The following UNC5C variants were observed in gnomAD, a reference collection of about 807,000 sequenced individuals.
The protein encoded by UNC5C is unc-5 netrin receptor C.
A neutral mutation model predicts 99.8 loss-of-function variants in UNC5C; 47 were observed. That is an observed-to-expected ratio of 0.47 (90% CI 0.37 to 0.60). The LOEUF (loss-of-function observed/expected upper bound fraction) is 0.60, where lower values mean the gene tolerates loss of function less well. Ranked by LOEUF, UNC5C falls within the 20% of genes least tolerant of loss-of-function variation. UNC5C has a pLI of 0.00. For missense variants in UNC5C, 1,062 were observed against 1,165.9 expected, an observed-to-expected ratio of 0.91 and a Z score of 1.30; for synonymous variants, 487 against 452.2, an observed-to-expected ratio of 1.08 and a Z score of -0.98.
At chr4:95,465,455 A>G (rs1192197668) in intron 1 of UNC5C, among the ~76,000 whole-genome samples, 2 of 152,166 alleles carry the variant, frequency 1.3e-5, no homozygotes, top group Admixed American at 1.3e-4. Context: ...TATTTGAATC[A>G]TTGTGTTATG....
At chr4:95,202,633 G>T in intron 12 of UNC5C, 98 bp downstream of exon 12, 1 of 1,186,244 alleles carries the variant, frequency 8.4e-7, no homozygotes, top group Non-Finnish European at 1.2e-6. Flanking sequence ...ACACACTTGG[G>T]TGCACACACA....
intron 1 of UNC5C, among the ~76,000 whole-genome samples, chr4:95,346,677 CAT>C (rs1743785136): frequency 6.6e-6 from 1 of 151,800 alleles, no homozygotes; most frequent in Admixed American, 6.6e-5. Context: ...AAATCAACAA[CAT>C]ATGACGATGA....
intron 3 of UNC5C, among the ~76,000 whole-genome samples, chr4:95,298,572 C>T (rs543779069): frequency 2.0e-5 from 3 of 152,240 alleles, no homozygotes; most frequent in South Asian, 2.1e-4. Flanking sequence ...TTCAGGTCTT[C>T]GCAACTGTCA....
intron 1 of UNC5C, among the ~76,000 whole-genome samples, chr4:95,422,392 G>A (rs1746346872): frequency 6.6e-6 from 1 of 152,064 alleles, no homozygotes. Context: ...TTAAGGCAGA[G>A]GGCTAAAGCA....
rs976028276 is a variant in UNC5C, at chr4:95,222,670, T to A, written c.1109-2494A>T. 2.6e-5 allele frequency among the ~76,000 whole-genome samples: 4 copies of A among 152,174 alleles called. No homozygotes were observed. In the South Asian group the frequency reaches 8.3e-4, roughly 32 times the overall value. ...AAGGCTCTAAACAGTTTTTTTTTCT[T>A]TTTTATTTAATCATAACAGCTTGTG... On this transcript the variant is annotated intron_variant, in intron 7 of 15. Transcript: ENST00000453304.
intron 1 of UNC5C, among the ~76,000 whole-genome samples, chr4:95,436,758 G>C (rs762015732): frequency 6.6e-6 from 1 of 151,884 alleles, no homozygotes; most frequent in East Asian, 1.9e-4. Flanking sequence ...TTGAGGAAGG[G>C]TGTGGGAAAG....
chr4:95,174,079 T>G lies in UNC5C; in HGVS notation c.2452-3747A>C, dbSNP rs376211037. On this transcript the variant is annotated intron_variant, in intron 14 of 15. Coordinates refer to ENST00000453304, the MANE Select transcript of UNC5C (RefSeq NM_003728.4). ...GGTAGTTTGTATTTCTGTGGGATCA[T>G]TGGTGATATCCCCTTTATCATTTTT... Among the ~76,000 whole-genome samples, 7 of 152,238 alleles carry G rather than the reference T, an allele frequency of 4.6e-5. No homozygotes were observed. In the South Asian group the frequency reaches 6.2e-4, roughly 14 times the overall value.
chr4:95,304,582 C>T (rs1332894330), intron 2 of UNC5C, among the ~76,000 whole-genome samples: 1 of 151,900 alleles, frequency 6.6e-6, no homozygotes, highest in Non-Finnish European at 1.5e-5. Flanking sequence ...CTCTTTTTTT[C>T]CCCCTACTCT....
chr4:95,213,609 T>A (rs1191621954), intron 10 of UNC5C, among the ~76,000 whole-genome samples: 1 of 152,136 alleles, frequency 6.6e-6, no homozygotes, highest in Non-Finnish European at 1.5e-5. Context: ...CACGCCTCCC[T>A]TCAGACAATT....
intron 12 of UNC5C, among the ~76,000 whole-genome samples, chr4:95,185,677 TTAG>T (rs561772258): frequency 2.6e-4 from 39 of 152,094 alleles, no homozygotes; most frequent in Non-Finnish European, 5.4e-4. Context: ...AAATAAAAAA[TTAG>T]AACCTGTTTT....
intron 1 of UNC5C, among the ~76,000 whole-genome samples, chr4:95,467,488 C>T (rs1332760277): frequency 6.6e-6 from 1 of 152,106 alleles, no homozygotes; most frequent in South Asian, 2.1e-4. Flanking sequence ...CACATTATCA[C>T]TGGAAGTTAC....
Position 95,548,815 on chromosome 4 carries a change from C to G in UNC5C, c.43G>C (p.Gly15Arg). The change falls in exon 1 of 16, where the codon GGA becomes CGA. Residue 15 changes from glycine (G) to arginine (R), a missense_variant. This residue lies in a region of UNC5C where 249 missense variants were observed against 295.1 expected (regional missense o/e 0.84). Transcript: ENST00000453304. ...LRATAARCGL[G>R]LGYLLQMLVL... is the part of the protein sequence containing the mutation. ...AGCATTTGCAGCAAGTATCCCAGTC[C>G]CAGTCCGCAGCGGGCCGCTGTCGCC... 1 of 1,613,472 alleles carries G rather than the reference C, an allele frequency of 6.2e-7. No homozygotes were observed. The highest frequency in any genetic ancestry group is 2.2e-5 in the East Asian group (1 of 44,824).
intron 1 of UNC5C, among the ~76,000 whole-genome samples, chr4:95,539,948 T>C (rs1179185383): frequency 6.6e-6 from 1 of 151,910 alleles, no homozygotes; most frequent in South Asian, 2.1e-4. Flanking sequence ...TACCATGTAA[T>C]AGTAAATAAA....
At chr4:95,491,078 G>C (rs1159762105) in intron 1 of UNC5C, among the ~76,000 whole-genome samples, 1 of 151,386 alleles carries the variant, frequency 6.6e-6, no homozygotes, top group Admixed American at 6.6e-5. Context: ...AGTAAGATGA[G>C]GGGGATCACA....
chr4:95,186,526 C>T (rs1274805525), intron 12 of UNC5C, among the ~76,000 whole-genome samples: 1 of 152,180 alleles, frequency 6.6e-6, no homozygotes, highest in African/African-American at 2.4e-5. Flanking sequence ...GCAAACAGCT[C>T]ATTTCAAGAT....
intron 7 of UNC5C, among the ~76,000 whole-genome samples, chr4:95,235,478 T>C (rs889170592): frequency 3.9e-5 from 6 of 152,166 alleles, no homozygotes; most frequent in African/African-American, 1.4e-4. Flanking sequence ...GCAGAAGCTC[T>C]TTAGTTTAAT....
intron 1 of UNC5C, among the ~76,000 whole-genome samples, chr4:95,531,208 T>C (rs1485080649): frequency 6.6e-6 from 1 of 152,230 alleles, no homozygotes; most frequent in Non-Finnish European, 1.5e-5. Flanking sequence ...TTTCCTTAAA[T>C]GCTGTTTGGT....
chr4:95,244,840 G>T, intron 6 of UNC5C, 137 bp downstream of exon 6: 1 of 1,194,768 alleles, frequency 8.4e-7, no homozygotes, highest in Non-Finnish European at 1.2e-6. Flanking sequence ...TCCCAGCAAT[G>T]TAAACAGTGA....
At chr4:95,527,879 A>G (rs1224846363) in intron 1 of UNC5C, among the ~76,000 whole-genome samples, 2 of 152,114 alleles carry the variant, frequency 1.3e-5, no homozygotes, top group African/African-American at 2.4e-5. Flanking sequence ...ATTCCCCTAT[A>G]TTCCTCCCAC....
Sources: gnomAD v4.1 joint callset for allele counts (sites outside exome capture counted in the v4.1 genomes callset) on GRCh38, gnomAD v4.1.1 for gene constraint, gnomAD v4.1.1 regional missense constraint, MANE v1.5 for transcripts, NCBI Gene and HGNC (gene_info 2026-07-23, HGNC 2026-07-21) for gene names.